Variants in PDE1A observed in about 807,000 individuals in gnomAD.
PDE1A encodes the protein dual specificity calcium/calmodulin-dependent 3',5'-cyclic nucleotide phosphodiesterase 1A.
A neutral mutation model predicts 61.7 loss-of-function variants in PDE1A; 35 were observed. The ratio of observed to expected loss-of-function variants is 0.57; its 90% confidence interval spans 0.43 to 0.75. PDE1A has a LOEUF of 0.75. Ranked by LOEUF, PDE1A falls within the 30% of genes least tolerant of loss-of-function variation. The pLI, the probability that PDE1A is intolerant of heterozygous loss-of-function variation, is 0.00. For missense variants in PDE1A, 597 were observed against 630.6 expected (o/e 0.95, Z 0.57); for synonymous variants, 232 against 213.2 (o/e 1.09, Z -0.77).
the PDE1A span, among the ~76,000 whole-genome samples, chr2:182,568,029 G>T: frequency 1.3e-5 from 2 of 151,888 alleles, no homozygotes; most frequent in Non-Finnish European, 2.9e-5. Flanking sequence ...TTGACCTCTT[G>T]ACCTCATGAT....
chr2:182,190,008 A>G (rs773110286), intron 10 of PDE1A, among the ~76,000 whole-genome samples: 15 of 152,240 alleles, frequency 9.9e-5, no homozygotes, highest in Non-Finnish European at 8.8e-5. Flanking sequence ...AGGATAAAAT[A>G]CGTAAGGACT....
At chr2:182,194,708 TG>T (rs1406428962) in intron 10 of PDE1A, among the ~76,000 whole-genome samples, 3 of 152,194 alleles carry the variant, frequency 2.0e-5, no homozygotes, top group Admixed American at 2.0e-4. Flanking sequence ...ATAACGTTGA[TG>T]GGATTTTTAA....
At chr2:182,669,850 C>G in the PDE1A span, among the ~76,000 whole-genome samples, 1 of 152,176 alleles carries the variant, frequency 6.6e-6, no homozygotes, top group Non-Finnish European at 1.5e-5. Context: ...GCGTTCTGAG[C>G]TAAGGAATCC....
the PDE1A span, among the ~76,000 whole-genome samples, chr2:182,647,936 G>A: frequency 6.6e-6 from 1 of 152,126 alleles, no homozygotes. Flanking sequence ...AAAGGCACAG[G>A]AAAGGAAGTG....
rs545670766 is a variant in PDE1A, at chr2:182,325,337, C to A, written c.54-60923G>T. 5.9e-5 allele frequency among the ~76,000 whole-genome samples: 9 copies of A among 152,074 alleles called. No homozygotes were observed. In the East Asian group the frequency reaches 1.7e-3, roughly 29 times the overall value. On this transcript the variant is annotated intron_variant, in intron 1 of 13. Transcript: ENST00000351439. ...AAGTAAAAATGAATCAAAGATCTAA[C>A]ATAAAAGCTAAAACTATAAAAAATC... is the stretch of plus-strand genomic sequence containing the variant.
chr2:182,445,410 G>A (rs892947745), intron 2 of PDE1A, among the ~76,000 whole-genome samples: 2 of 152,050 alleles, frequency 1.3e-5, no homozygotes, highest in Admixed American at 6.6e-5. Context: ...ACTTGACATT[G>A]ACTCAAATGA....
rs545959152 is a variant in PDE1A at position 182,391,201 on chromosome 2, C to T, written c.53+35377G>A. 8.5e-4 allele frequency among the ~76,000 whole-genome samples: 130 copies of T among 152,186 alleles called. 1 individual carries two copies. The highest frequency in any genetic ancestry group is 3.0e-3 in the African/African-American group (124 of 41,512). ...ATATGGCCTGAAAGATATGGGCCAT[C>T]TAAGGAGGGCCCATATCCGCATTTA... is the stretch of plus-strand genomic sequence containing the variant. On this transcript the variant is annotated intron_variant, in intron 1 of 13. Coordinates refer to ENST00000351439, the Ensembl canonical transcript of PDE1A.
At chr2:182,213,454 C>A (rs1315321253) in intron 7 of PDE1A, among the ~76,000 whole-genome samples, 1 of 76,796 alleles carries the variant, frequency 1.3e-5, no homozygotes, top group Non-Finnish European at 2.7e-5. Flanking sequence ...AGGCTTCAGA[C>A]GATCAAATTA....
chr2:182,699,241 C>T, the PDE1A span, among the ~76,000 whole-genome samples: 1 of 152,206 alleles, frequency 6.6e-6, no homozygotes, highest in Non-Finnish European at 1.5e-5. Flanking sequence ...CACTAATAAA[C>T]TGACTATTCA....
upstream of PDE1A, among the ~76,000 whole-genome samples, chr2:182,431,369 G>C (rs1293677941): frequency 6.6e-6 from 1 of 152,066 alleles, no homozygotes; most frequent in African/African-American, 2.4e-5. Flanking sequence ...GGCATTAAAT[G>C]CAAACACTAC....
At chr2:182,634,310 T>G in the PDE1A span, among the ~76,000 whole-genome samples, 1 of 152,140 alleles carries the variant, frequency 6.6e-6, no homozygotes, top group Admixed American at 6.5e-5. Flanking sequence ...AGCTGATGAG[T>G]TTTGAACTAT....
intron 7 of PDE1A, among the ~76,000 whole-genome samples, chr2:182,221,500 T>C (rs1233699173): frequency 1.3e-5 from 2 of 152,072 alleles, no homozygotes; most frequent in African/African-American, 4.8e-5. Context: ...CCCTATACTC[T>C]GCAAATATGG....
the PDE1A span, among the ~76,000 whole-genome samples, chr2:182,618,952 T>C: frequency 6.6e-6 from 1 of 151,652 alleles, no homozygotes; most frequent in Non-Finnish European, 1.5e-5. Flanking sequence ...ATAAACGACA[T>C]AATCTATGGC....
intron 2 of PDE1A, among the ~76,000 whole-genome samples, chr2:182,505,800 T>A (rs905304980): frequency 6.6e-6 from 1 of 152,158 alleles, no homozygotes; most frequent in African/African-American, 2.4e-5. Context: ...GAGAGATTAG[T>A]CAAGAGAATG....
chr2:182,164,311 A>G (rs993794855), downstream of PDE1A, among the ~76,000 whole-genome samples: 3 of 152,092 alleles, frequency 2.0e-5, no homozygotes, highest in African/African-American at 7.2e-5. Context: ...GTTCCCTACA[A>G]TCAGTTGACA....
chr2:182,229,369 A>G (rs1428025657), intron 6 of PDE1A, among the ~76,000 whole-genome samples: 1 of 152,092 alleles, frequency 6.6e-6, no homozygotes, highest in Non-Finnish European at 1.5e-5. Flanking sequence ...CAGGAAGGTC[A>G]GTTCCTCACT....
chr2:182,433,805 C>G (rs952805820), intron 2 of PDE1A, among the ~76,000 whole-genome samples: 1 of 152,056 alleles, frequency 6.6e-6, no homozygotes, highest in African/African-American at 2.4e-5. Context: ...TGGCTCATTC[C>G]CCACTACCTG....
At chr2:182,715,927 T>C in the PDE1A span, 1 of 152,122 alleles carries the variant, frequency 6.6e-6, no homozygotes, top group Admixed American at 6.5e-5. Context: ...TAAAAGACTC[T>C]CAGGGAACTC....
the PDE1A span, among the ~76,000 whole-genome samples, chr2:182,632,087 GAC>G: frequency 6.6e-6 from 1 of 152,140 alleles, no homozygotes; most frequent in Non-Finnish European, 1.5e-5. Context: ...AAGGGTGAGA[GAC>G]AGTTAGTCTG....
Sources: gnomAD v4.1 joint callset for allele counts (sites outside exome capture counted in the v4.1 genomes callset) on GRCh38, gnomAD v4.1.1 for gene constraint, MANE v1.5 for transcripts, NCBI Gene and HGNC (gene_info 2026-07-23, HGNC 2026-07-21) for gene names.